DCC: variants seen among roughly 807,000 people sequenced by gnomAD.
The protein encoded by DCC is DCC netrin 1 receptor, also known as netrin receptor DCC.
DCC carries 58 observed loss-of-function variants against 172.5 expected under a neutral mutation model. That is an observed-to-expected ratio of 0.34 (90% CI 0.27 to 0.42). The LOEUF is 0.42. DCC is among the 10% of genes least tolerant of loss of function. The pLI is 1.00. For missense variants in DCC, 1,740 were observed against 1,791.0 expected, an observed-to-expected ratio of 0.97 and a Z score of 0.51; for synonymous variants, 709 against 644.5, an observed-to-expected ratio of 1.10 and a Z score of -1.52.
chr18:53,093,520 C>T (rs943738043), intron 7 of DCC, among the ~76,000 whole-genome samples: 1 of 151,986 alleles, frequency 6.6e-6, no homozygotes, highest in Admixed American at 6.6e-5. Context: ...GAACTCTGAC[C>T]CCCTAAAAAG....
intron 22 of DCC, among the ~76,000 whole-genome samples, chr18:53,437,046 G>C (rs141677117): frequency 4.9e-4 from 75 of 152,198 alleles, no homozygotes; most frequent in African/African-American, 1.8e-3. Context: ...ACCTCTTAAT[G>C]CCTCCCTAAC....
intron 1 of DCC, among the ~76,000 whole-genome samples, chr18:52,510,161 G>A (rs1022131462): frequency 6.6e-6 from 1 of 151,032 alleles, no homozygotes; most frequent in Non-Finnish European, 1.5e-5. Flanking sequence ...CTGGGCTTCT[G>A]ACTTAGGGCC....
chr18:52,683,736 C>CAT (rs1683510107), intron 1 of DCC, among the ~76,000 whole-genome samples: 3 of 152,080 alleles, frequency 2.0e-5, no homozygotes, highest in African/African-American at 7.2e-5. Flanking sequence ...TTCCAATTTG[C>CAT]AATCCCAGTA....
intron 2 of DCC, among the ~76,000 whole-genome samples, chr18:52,879,536 G>GC (rs1178085666): frequency 6.7e-6 from 1 of 148,842 alleles, no homozygotes; most frequent in Non-Finnish European, 1.5e-5. Context: ...CGATTCTTCT[G>GC]CCTCAGCCTC....
intron 2 of DCC, among the ~76,000 whole-genome samples, chr18:52,873,029 A>G (rs2039346202): frequency 6.6e-6 from 1 of 152,202 alleles, no homozygotes; most frequent in Admixed American, 6.5e-5. Context: ...CTGACAGTCT[A>G]TTTGTAATAT....
chr18:53,046,893 C>G (rs1294137090), intron 5 of DCC, among the ~76,000 whole-genome samples: 1 of 151,726 alleles, frequency 6.6e-6, no homozygotes, highest in Non-Finnish European at 1.5e-5. Context: ...ACAACACAGC[C>G]AGAGCTGGGA....
At chr18:52,850,350 A>G (rs2038956311) in intron 2 of DCC, among the ~76,000 whole-genome samples, 1 of 152,154 alleles carries the variant, frequency 6.6e-6, no homozygotes, top group Admixed American at 6.6e-5. Flanking sequence ...TTTCGGAAAC[A>G]TTTCTCAGAA....
chr18:53,249,366 C>T (rs2144654398), intron 12 of DCC, among the ~76,000 whole-genome samples: 1 of 151,834 alleles, frequency 6.6e-6, no homozygotes, highest in African/African-American at 2.4e-5. Flanking sequence ...AAGTCTCAGG[C>T]TAAATATTGA....
At chr18:52,660,722 C>T (rs1037846080) in intron 1 of DCC, among the ~76,000 whole-genome samples, 1 of 152,118 alleles carries the variant, frequency 6.6e-6, no homozygotes, top group Non-Finnish European at 1.5e-5. Flanking sequence ...TCTCCTTTTA[C>T]CATGAGACAA....
intron 1 of DCC, among the ~76,000 whole-genome samples, chr18:52,390,258 C>T (rs1484943751): frequency 6.6e-6 from 1 of 152,110 alleles, no homozygotes; most frequent in Non-Finnish European, 1.5e-5. Context: ...GAAACAGTGA[C>T]TGCATATCCC....
At chr18:53,462,650 C>T (rs946737541) in intron 24 of DCC, among the ~76,000 whole-genome samples, 1 of 152,078 alleles carries the variant, frequency 6.6e-6, no homozygotes, top group Non-Finnish European at 1.5e-5. Context: ...GCCCCCTGCC[C>T]CCAGGTCCAT....
At chr18:53,156,486 CA>C (rs71175558) in intron 7 of DCC, among the ~76,000 whole-genome samples, 8,311 of 96,726 alleles carry the variant, frequency 0.086, 237 homozygotes, top group East Asian at 0.17. Context: ...CCATCTCAAC[CA>C]AAAAAAAAAA....
intron 17 of DCC, among the ~76,000 whole-genome samples, chr18:53,394,676 T>C (rs976529159): frequency 1.3e-5 from 2 of 152,004 alleles, no homozygotes; most frequent in African/African-American, 4.8e-5. Flanking sequence ...GGGAGGAGCA[T>C]ATAACACATG....
intron 1 of DCC, among the ~76,000 whole-genome samples, chr18:52,742,011 G>C (rs1046812342): frequency 1.3e-5 from 2 of 152,124 alleles, no homozygotes; most frequent in African/African-American, 2.4e-5. Flanking sequence ...AGAAGAAGAA[G>C]AGACATCTGA....
intron 1 of DCC, among the ~76,000 whole-genome samples, chr18:52,489,502 G>A (rs1249970502): frequency 4.6e-5 from 7 of 152,100 alleles, no homozygotes; most frequent in South Asian, 2.1e-4. Context: ...TCTCAAAAAC[G>A]TGAGAGGTAA....
At chr18:53,206,507 T>TATATAC (rs1288764862) in intron 10 of DCC, among the ~76,000 whole-genome samples, 12 of 142,388 alleles carry the variant, frequency 8.4e-5, no homozygotes, top group African/African-American at 3.1e-4. Flanking sequence ...ATTACATATC[T>TATATAC]ATGTATATAC....
At chr18:52,452,149 T>C (rs1457570154) in intron 1 of DCC, among the ~76,000 whole-genome samples, 1 of 152,186 alleles carries the variant, frequency 6.6e-6, no homozygotes, top group Non-Finnish European at 1.5e-5. Flanking sequence ...TCACAAGGAC[T>C]CAACTAAAGG....
chr18:53,405,170 C>T (rs1424799070), intron 19 of DCC, among the ~76,000 whole-genome samples: 1 of 142,858 alleles, frequency 7.0e-6, no homozygotes, highest in African/African-American at 2.6e-5. Context: ...TGTGGAAGTG[C>T]AACAATTAAT....
chr18:52,784,167 G>A (rs1036212753), intron 2 of DCC, among the ~76,000 whole-genome samples: 5 of 151,968 alleles, frequency 3.3e-5, no homozygotes, highest in Non-Finnish European at 7.4e-5. Flanking sequence ...ACATGTAATT[G>A]AGATCATGCA....
Sources: gnomAD v4.1 joint callset for allele counts (sites outside exome capture counted in the v4.1 genomes callset) on GRCh38, gnomAD v4.1.1 for gene constraint, MANE v1.5 for transcripts, NCBI Gene and HGNC (gene_info 2026-07-23, HGNC 2026-07-21) for gene names.